Variants in PPARGC1A observed in about 807,000 individuals in gnomAD.
PPARGC1A encodes peroxisome proliferator-activated receptor gamma coactivator 1-alpha.
A neutral mutation model predicts 88.7 loss-of-function variants in PPARGC1A; 25 were observed. The observed-to-expected ratio is 0.28, with a 90% CI of 0.21 to 0.39. The LOEUF (loss-of-function observed/expected upper bound fraction) is 0.39. PPARGC1A is among the 10% of genes least tolerant of loss of function. The pLI is 1.00. For missense variants in PPARGC1A, 880 were observed against 968.7 expected (o/e 0.91, Z 1.22); for synonymous variants, 363 against 355.6 (o/e 1.02, Z -0.24).
chr4:24,002,164 G>A, the PPARGC1A span, among the ~76,000 whole-genome samples: 1 of 151,172 alleles, frequency 6.6e-6, no homozygotes, highest in Non-Finnish European at 1.5e-5. Context: ...GAAGTGCCTG[G>A]AAACCAGGCT....
the PPARGC1A span, among the ~76,000 whole-genome samples, chr4:24,307,807 T>C: frequency 6.6e-6 from 1 of 152,156 alleles, no homozygotes; most frequent in Admixed American, 6.5e-5. Context: ...GTCCCGGCTT[T>C]TTCCACTAAC....
At chr4:23,815,989 G>A (rs182649354) in intron 7 of PPARGC1A, among the ~76,000 whole-genome samples, 1 of 152,260 alleles carries the variant, frequency 6.6e-6, no homozygotes, top group Admixed American at 6.5e-5. Flanking sequence ...ACAGGAAGAT[G>A]CTGCCTCACT....
chr4:24,252,662 T>G, the PPARGC1A span, among the ~76,000 whole-genome samples: 1 of 152,220 alleles, frequency 6.6e-6, no homozygotes, highest in Non-Finnish European at 1.5e-5. Flanking sequence ...TCCAATGCTC[T>G]TCTCGTTCCC....
the PPARGC1A span, among the ~76,000 whole-genome samples, chr4:24,178,920 C>A: frequency 6.6e-6 from 1 of 152,002 alleles, no homozygotes; most frequent in Non-Finnish European, 1.5e-5. Context: ...TGGTTTTGTC[C>A]TTTGTTTTTG....
At chr4:23,877,676 C>T (rs933949784) in intron 2 of PPARGC1A, 1 of 150,402 alleles carries the variant, frequency 6.6e-6, no homozygotes, top group African/African-American at 2.4e-5. Context: ...TTTTTCATTA[C>T]TCAAAGAATA....
chr4:24,211,312 T>C, the PPARGC1A span, among the ~76,000 whole-genome samples: 216 of 152,284 alleles, frequency 1.4e-3, 1 homozygote, highest in African/African-American at 4.9e-3. Context: ...GAACTCGTTT[T>C]CCGATCTCAA....
At chr4:24,346,893 T>C in the PPARGC1A span, among the ~76,000 whole-genome samples, 1 of 152,184 alleles carries the variant, frequency 6.6e-6, no homozygotes, top group South Asian at 2.1e-4. Flanking sequence ...TCAGACTTTT[T>C]GATGTAGCTA....
At chr4:24,045,491 C>G in the PPARGC1A span, among the ~76,000 whole-genome samples, 2 of 152,148 alleles carry the variant, frequency 1.3e-5, no homozygotes, top group African/African-American at 4.8e-5. Context: ...CATGCTCTCT[C>G]TTAAGACTCC....
At chr4:24,130,148 TA>T in the PPARGC1A span, among the ~76,000 whole-genome samples, 91 of 151,912 alleles carry the variant, frequency 6.0e-4, no homozygotes, top group Middle Eastern at 3.4e-3. Context: ...TAAAGTATAA[TA>T]AAAAAAATAA....
chr4:24,224,835 C>T, the PPARGC1A span, among the ~76,000 whole-genome samples: 2 of 152,106 alleles, frequency 1.3e-5, no homozygotes, highest in African/African-American at 2.4e-5. Context: ...TTTTAAATTG[C>T]GTGCTCAGGA....
intron 2 of PPARGC1A, among the ~76,000 whole-genome samples, chr4:23,844,546 A>G (rs1727748453): frequency 8.6e-6 from 1 of 115,780 alleles, no homozygotes; most frequent in Admixed American, 1.1e-4. Context: ...ATAATATATT[A>G]TATATTATCA....
At chr4:24,456,107 A>G in the PPARGC1A span, among the ~76,000 whole-genome samples, 4 of 152,186 alleles carry the variant, frequency 2.6e-5, no homozygotes, top group Admixed American at 1.3e-4. Context: ...CAACAAAGGG[A>G]AAAAAAGAGA....
At chr4:24,026,743 T>C in the PPARGC1A span, among the ~76,000 whole-genome samples, 1 of 152,132 alleles carries the variant, frequency 6.6e-6, no homozygotes, top group Non-Finnish European at 1.5e-5. Context: ...GGCAATCATC[T>C]GCAGTTTGTC....
At chr4:24,317,232 C>T in the PPARGC1A span, among the ~76,000 whole-genome samples, 1 of 152,006 alleles carries the variant, frequency 6.6e-6, no homozygotes, top group African/African-American at 2.4e-5. Context: ...CTATATACTG[C>T]AACCCTACAC....
At chr4:23,996,994 G>A in the PPARGC1A span, among the ~76,000 whole-genome samples, 3 of 152,178 alleles carry the variant, frequency 2.0e-5, no homozygotes, top group African/African-American at 7.2e-5. Flanking sequence ...AAGGCTGCAA[G>A]CTCTGTAGGA....
At chr4:24,055,268 C>T in the PPARGC1A span, among the ~76,000 whole-genome samples, 1 of 152,154 alleles carries the variant, frequency 6.6e-6, no homozygotes, top group Non-Finnish European at 1.5e-5. Context: ...TCCTTGGGGA[C>T]TTATTTCACC....
the PPARGC1A span, among the ~76,000 whole-genome samples, chr4:24,179,325 C>A: frequency 6.6e-6 from 1 of 152,174 alleles, no homozygotes; most frequent in Non-Finnish European, 1.5e-5. Context: ...AGCAAGTCCC[C>A]TTTATCACGT....
the PPARGC1A span, among the ~76,000 whole-genome samples, chr4:24,391,217 T>C: frequency 1.3e-5 from 2 of 152,132 alleles, no homozygotes; most frequent in African/African-American, 4.8e-5. Flanking sequence ...TCCGCAAAAT[T>C]TGAGTTTGAC....
the PPARGC1A span, among the ~76,000 whole-genome samples, chr4:24,341,391 A>G: frequency 6.6e-6 from 1 of 152,138 alleles, no homozygotes; most frequent in Non-Finnish European, 1.5e-5. Flanking sequence ...TGGCACATAT[A>G]TTTTAAGAAC....
Sources: allele counts gnomAD v4.1 joint callset (sites outside exome capture counted in the v4.1 genomes callset), GRCh38; gene constraint gnomAD v4.1.1; transcripts MANE v1.5; gene names NCBI Gene and HGNC (gene_info 2026-07-23, HGNC 2026-07-21).